Variants in PCDHGA6 observed in about 807,000 individuals in gnomAD.
PCDHGA6 encodes the protein protocadherin gamma subfamily A, 6.
Under a neutral mutation model 60.6 loss-of-function variants are expected in PCDHGA6, and 41 were observed. That is an observed-to-expected ratio of 0.68 (90% confidence interval 0.53 to 0.88). The LOEUF is 0.88. Ranked by LOEUF, PCDHGA6 falls within the 40% of genes least tolerant of loss-of-function variation. The probability of loss-of-function intolerance (pLI) is 0.00; values close to 1 mark genes in which losing one functional copy is unlikely to be tolerated. For synonymous variants in PCDHGA6, 594 were observed against 524.4 expected, an observed-to-expected ratio of 1.13 and a Z score of -1.81; for missense variants, 1,312 against 1,203.0, an observed-to-expected ratio of 1.09 and a Z score of -1.34.
At chr5:141,383,558 C>A (rs374657057) in intron 1 of PCDHGA6, 1 of 1,612,822 alleles carries the variant, frequency 6.2e-7, no homozygotes, top group Admixed American at 1.7e-5. Flanking sequence ...GGCGGCGACC[C>A]GCCCCGATCC....
intron 1 of PCDHGA6, among the ~76,000 whole-genome samples, chr5:141,458,201 T>C (rs973995736): frequency 6.6e-6 from 1 of 152,168 alleles, no homozygotes; most frequent in African/African-American, 2.4e-5. Context: ...AGGCCATAAA[T>C]AGTTTAAAAT....
chr5:141,393,264 C>T, intron 1 of PCDHGA6: 1 of 1,613,916 alleles, frequency 6.2e-7, no homozygotes, highest in Non-Finnish European at 8.5e-7. Flanking sequence ...TCCTGGAGCA[C>T]GTTATCCACT....
chr5:141,444,710 T>A (rs2098445001), intron 1 of PCDHGA6, among the ~76,000 whole-genome samples: 1 of 152,236 alleles, frequency 6.6e-6, no homozygotes, highest in Admixed American at 6.5e-5. Flanking sequence ...TTCTGTTGAA[T>A]TTGCTTGGTG....
chr5:141,419,980 G>T lies in PCDHGA6; in HGVS notation c.2424+43473G>T, dbSNP rs182372807. 1.1e-4 allele frequency: 180 copies of T among 1,614,080 alleles called. No individual in the cohort carries two copies. The East Asian group carries it at 1.1e-3, about 10-fold the overall frequency. On this transcript the variant is annotated intron_variant, in intron 1 of 3. Transcript: ENST00000517434. ...TTTCTGTGCTCTTTCTCCTCGCGGTGATTCTAGCTATTGCTCTACGCCTGC... is the reference window on the plus strand; with the variant it reads ...TTTCTGTGCTCTTTCTCCTCGCGGTTATTCTAGCTATTGCTCTACGCCTGC...
At position 141,376,072 on chromosome 5, in the gene PCDHGA6, C is replaced by G. The variant is rs755171325; in HGVS notation, c.1989C>G (p.Ala663=). 9 of 1,613,498 alleles carry G rather than the reference C, an allele frequency of 5.6e-6. No individual in the cohort carries two copies. The highest frequency in any genetic ancestry group is 1.7e-4 in the Middle Eastern group (1 of 5,822). Residue 663 remains alanine (A), a synonymous_variant, in exon 1 of 4, where the codon GCC becomes GCG. Coordinates refer to ENST00000517434, the MANE Select transcript of PCDHGA6 (RefSeq NM_018919.3). ...CCGCCACTGTCACGCTCACCGTGGC[C>G]GTGGCCGACAGGATCCCCGACATCC... ...PLSATVTLTV[A]VADRIPDILA... is the part of the protein sequence containing the mutation.
At chr5:141,407,175 C>T (rs752092856) in intron 1 of PCDHGA6, among the ~76,000 whole-genome samples, 39 of 152,166 alleles carry the variant, frequency 2.6e-4, no homozygotes, top group Non-Finnish European at 5.4e-4. Flanking sequence ...TTATGACATA[C>T]AGACATTTTA....
intron 1 of PCDHGA6, chr5:141,417,532 TA>T (rs1457524771): frequency 6.7e-5 from 19 of 284,780 alleles, no homozygotes; most frequent in South Asian, 1.5e-4. Context: ...ACTCGTAGTT[TA>T]AAAAAAATTC....
At chr5:141,507,283 G>T (rs917383969) in intron 3 of PCDHGA6, 2 of 150,498 alleles carry the variant, frequency 1.3e-5, no homozygotes, top group Non-Finnish European at 2.9e-5. Context: ...GCATAAGTCA[G>T]TCTCAAATGT....
At chr5:141,473,066 A>G (rs1002054198) in intron 1 of PCDHGA6, among the ~76,000 whole-genome samples, 3 of 152,128 alleles carry the variant, frequency 2.0e-5, no homozygotes, top group African/African-American at 7.2e-5. Context: ...AACAAGTTAC[A>G]GCATCTTTGT....
chr5:141,478,481 C>A, intron 1 of PCDHGA6: 1 of 1,613,576 alleles, frequency 6.2e-7, no homozygotes, highest in South Asian at 1.1e-5. Flanking sequence ...CCAGAACACG[C>A]TGCGGAGCTG....
At chr5:141,389,424 G>T in intron 1 of PCDHGA6, 1 of 1,613,510 alleles carries the variant, frequency 6.2e-7, no homozygotes, top group Non-Finnish European at 8.5e-7. Context: ...GGTGGTGTTC[G>T]CGCAGCGCGC....
intron 1 of PCDHGA6, chr5:141,423,809 GT>G (rs1484832928): frequency 7.9e-7 from 1 of 1,259,912 alleles, no homozygotes; most frequent in African/African-American, 1.6e-5. Context: ...ATACATGTGA[GT>G]TTTACTTTGC....
At position 141,477,795 on chromosome 5, in the gene PCDHGA6, G is replaced by T. The variant is rs778851755; in HGVS notation, c.2425-17012G>T. The T allele has an allele frequency of 1.2e-5, 19 of 1,613,946 alleles. 1 individual carries two copies. In the South Asian group the frequency reaches 1.6e-4, roughly 14 times the overall value. On this transcript the variant is annotated intron_variant, in intron 1 of 3. Transcript: ENST00000517434. The surrounding 1 kb of genome is among the most constrained non-coding windows in gnomAD (Gnocchi z 4.9). ...AGCGTGAACATATTTGTCACTGATC[G>T]CAATGACAATGCCCCCCAGGTCCTA...
chr5:141,397,909 T>G lies in PCDHGA6; in HGVS notation c.2424+21402T>G, dbSNP rs1004406261. On this transcript the variant is annotated intron_variant, in intron 1 of 3. Coordinates refer to ENST00000517434, the MANE Select transcript of PCDHGA6 (RefSeq NM_018919.3). Reference sequence around the variant, plus strand: ...TTGGCCAAAGTGCAGAGCTTGGCGCTCCAGATCTCCTCGCGCAGCCGCAGC... The same window carrying G: ...TTGGCCAAAGTGCAGAGCTTGGCGCGCCAGATCTCCTCGCGCAGCCGCAGC... 114 of 677,396 alleles carry G rather than the reference T, an allele frequency of 1.7e-4. No individual in the cohort carries two copies. In the East Asian group the frequency reaches 2.8e-3, roughly 17 times the overall value. The allele number at this position is 677,396 out of a possible 1,614,324, so 42.0% of individuals were successfully genotyped here. A position where few individuals can be genotyped will look rare whatever the true frequency, so the allele number is the denominator to read the frequency against.
intron 1 of PCDHGA6, among the ~76,000 whole-genome samples, chr5:141,464,436 TTTG>T (rs1043492514): frequency 1.1e-4 from 17 of 151,396 alleles, no homozygotes; most frequent in Non-Finnish European, 1.9e-4. Flanking sequence ...GATATATATG[TTTG>T]TTGTTGTTGT....
intron 1 of PCDHGA6, among the ~76,000 whole-genome samples, chr5:141,380,452 A>G (rs939705980): frequency 9.9e-5 from 15 of 152,226 alleles, no homozygotes; most frequent in African/African-American, 3.6e-4. Flanking sequence ...TTTTTAATGC[A>G]ACCAAACAAA....
At position 141,477,891 on chromosome 5, in the gene PCDHGA6, G is replaced by A. The variant is rs750359063; in HGVS notation, c.2425-16916G>A. 130 of 1,614,066 alleles carry A rather than the reference G, an allele frequency of 8.1e-5. 1 individual carries two copies. The highest frequency in any genetic ancestry group is 1.1e-4 in the Non-Finnish European group (125 of 1,180,050). On this transcript the variant is annotated intron_variant, in intron 1 of 3. Coordinates refer to ENST00000517434, the MANE Select transcript of PCDHGA6 (RefSeq NM_018919.3). The surrounding 1 kb of genome is among the most constrained non-coding windows in gnomAD (Gnocchi z 4.9). The stretch of plus-strand genomic sequence containing the variant: ...ACCTCAGCTGGCCACCTAGTGTCAC[G>A]GGTGGTAGGCTGGGACGCGGATGCA...
intron 1 of PCDHGA6, chr5:141,417,692 C>A: frequency 9.2e-7 from 1 of 1,089,116 alleles, no homozygotes; most frequent in Non-Finnish European, 1.3e-6. Context: ...AAAAGAAAAC[C>A]AGCTCCCACA....
chr5:141,494,784 C>T, intron 1 of PCDHGA6, 23 bp from the exon 2 acceptor site: 1 of 1,614,110 alleles, frequency 6.2e-7, no homozygotes, highest in Non-Finnish European at 8.5e-7. Flanking sequence ...TACTCAGCCC[C>T]TTTCCCTCTG....
Sources: allele counts gnomAD v4.1 joint callset (sites outside exome capture counted in the v4.1 genomes callset), GRCh38; gene constraint gnomAD v4.1.1; non-coding constraint Gnocchi (gnomAD v3.1); transcripts MANE v1.5; gene names NCBI Gene and HGNC (gene_info 2026-07-23, HGNC 2026-07-21).